Variants in PDK1 observed in about 807,000 individuals in gnomAD.
The protein encoded by PDK1 is [Pyruvate dehydrogenase (acetyl-transferring)] kinase isozyme 1, mitochondrial.
PDK1 carries 39 observed loss-of-function variants against 54.2 expected under a neutral mutation model. The observed-to-expected ratio is 0.72, with a 90% CI of 0.56 to 0.94. The LOEUF (loss-of-function observed/expected upper bound fraction) is 0.94. PDK1 is among the 40% of genes least tolerant of loss of function. The pLI is 0.00. For missense variants in PDK1, 552 were observed against 566.0 expected (o/e 0.98, Z 0.25); for synonymous variants, 221 against 207.1 (o/e 1.07, Z -0.58).
At position 172,560,586 on chromosome 2, in the gene PDK1, C is replaced by A. The variant is rs184593122; in HGVS notation, c.339-1634C>A. Among the ~76,000 whole-genome samples the A allele has an allele frequency of 4.6e-5, 7 of 152,234 alleles. No homozygotes were observed. In the East Asian group the frequency reaches 1.4e-3, roughly 29 times the overall value. On this transcript the variant is annotated intron_variant, in intron 2 of 10. Coordinates refer to ENST00000282077, the MANE Select transcript of PDK1 (RefSeq NM_002610.5). ...CCCCATTTGTCCATCTCTGCTATACCGTGCTATAGTCAGAATGATGAAATA... is the reference window on the plus strand; with the variant it reads ...CCCCATTTGTCCATCTCTGCTATACAGTGCTATAGTCAGAATGATGAAATA...
intron 8 of PDK1, among the ~76,000 whole-genome samples, chr2:172,576,111 A>G (rs992983653): frequency 1.3e-5 from 2 of 152,018 alleles, no homozygotes; most frequent in African/African-American, 4.8e-5. Flanking sequence ...TATTTTTAGT[A>G]GAGATGGGGT....
rs376882191 is a variant in PDK1, at chr2:172,570,774, C to T, written c.895C>T (p.Pro299Ser). 5.0e-6 allele frequency: 8 copies of T among 1,611,842 alleles called. No individual in the cohort carries two copies. The highest frequency in any genetic ancestry group is 4.0e-5 in the African/African-American group (3 of 74,816). The change falls in exon 8 of 11, where the codon CCC becomes TCC. Residue 299 changes from proline to serine, a missense_variant. Pro to Ser is a moderately conservative substitution (Grantham distance 74). Transcript: ENST00000282077. Reference sequence around the variant, plus strand: ...ACACCATGCCAACAGAGGTGTTTACCCCCCTATTCAAGTTCATGTCACGCT... The same window carrying T: ...ACACCATGCCAACAGAGGTGTTTACTCCCCTATTCAAGTTCATGTCACGCT... ...MEHHANRGVY[P>S]PIQVHVTLGN...
the PDK1 span, among the ~76,000 whole-genome samples, chr2:172,693,818 C>T: frequency 6.6e-6 from 1 of 152,168 alleles, no homozygotes; most frequent in Non-Finnish European, 1.5e-5. Context: ...TCAATCCACA[C>T]AGTCCTCTTG....
the PDK1 span, among the ~76,000 whole-genome samples, chr2:172,637,013 C>T: frequency 1.3e-5 from 2 of 152,154 alleles, no homozygotes; most frequent in Non-Finnish European, 2.9e-5. Flanking sequence ...CCCCAGAATC[C>T]CTGGCTCAGT....
intron 8 of PDK1, among the ~76,000 whole-genome samples, chr2:172,574,367 C>A (rs1219266606): frequency 6.6e-6 from 1 of 152,104 alleles, no homozygotes; most frequent in Non-Finnish European, 1.5e-5. Context: ...AAGTGTGAGT[C>A]CTACAACTTC....
the PDK1 span, among the ~76,000 whole-genome samples, chr2:172,646,123 T>G: frequency 7.9e-5 from 12 of 152,346 alleles, no homozygotes; most frequent in African/African-American, 2.6e-4. Flanking sequence ...ACTGAAGGGT[T>G]TGCTGTGGAT....
In PDK1 at chr2:172,579,073, C is replaced by T. The variant is rs370333248; in HGVS notation, c.946-7205C>T. Among the ~76,000 whole-genome samples the T allele has an allele frequency of 2.4e-3, 363 of 152,294 alleles. 3 individuals carry two copies. The highest frequency in any genetic ancestry group is 8.2e-3 in the African/African-American group (339 of 41,546). On this transcript the variant is annotated intron_variant, in intron 8 of 10. Transcript: ENST00000282077. ...GGCATGAGTATGGCCTTCCAGATTC[C>T]CAGGAGATAGCTGAGGTTTTCAAAG...
chr2:172,632,764 A>G, the PDK1 span, among the ~76,000 whole-genome samples: 108,599 of 151,476 alleles, frequency 0.72, 39,308 homozygotes, highest in Non-Finnish European at 0.77. Context: ...GGCAGATCAC[A>G]AGGTTAGGAG....
intron 8 of PDK1, among the ~76,000 whole-genome samples, chr2:172,581,172 A>G (rs1173957659): frequency 6.6e-6 from 1 of 152,140 alleles, no homozygotes; most frequent in African/African-American, 2.4e-5. Context: ...AGCTTGCTGC[A>G]AGCTCCGCCT....
At chr2:172,708,782 C>G in the PDK1 span, among the ~76,000 whole-genome samples, 1 of 152,182 alleles carries the variant, frequency 6.6e-6, no homozygotes, top group African/African-American at 2.4e-5. Flanking sequence ...TACATATAGG[C>G]TGAAGGTAAT....
chr2:172,701,974 T>C, the PDK1 span, among the ~76,000 whole-genome samples: 1 of 152,182 alleles, frequency 6.6e-6, no homozygotes, highest in Non-Finnish European at 1.5e-5. Flanking sequence ...AATGTTACTA[T>C]TTCTTCTTAA....
the PDK1 span, among the ~76,000 whole-genome samples, chr2:172,700,569 G>A: frequency 6.6e-6 from 1 of 151,892 alleles, no homozygotes; most frequent in African/African-American, 2.4e-5. Flanking sequence ...ATGGGCGGCC[G>A]GGCAGAGACG....
At chr2:172,652,086 T>G in the PDK1 span, among the ~76,000 whole-genome samples, 1 of 152,088 alleles carries the variant, frequency 6.6e-6, no homozygotes, top group South Asian at 2.1e-4. Flanking sequence ...ACTGGCAAAC[T>G]GAATCCAGCA....
the PDK1 span, among the ~76,000 whole-genome samples, chr2:172,671,030 A>G: frequency 5.9e-5 from 9 of 151,860 alleles, no homozygotes; most frequent in South Asian, 1.9e-3. Flanking sequence ...TGTTCCTGCA[A>G]AATGACTTAT....
At chr2:172,686,956 C>G in the PDK1 span, among the ~76,000 whole-genome samples, 3 of 152,106 alleles carry the variant, frequency 2.0e-5, no homozygotes, top group Non-Finnish European at 4.4e-5. Flanking sequence ...AAAATCACAC[C>G]TAATTTTTTA....
chr2:172,573,518 CACACATACATATACATATATACAT>C, intron 8 of PDK1, among the ~76,000 whole-genome samples: 1 of 151,256 alleles, frequency 6.6e-6, no homozygotes, highest in South Asian at 2.1e-4. Context: ...TATATATACA[CACACATACATATACATATATACAT>C]ACATATGTGT....
chr2:172,591,038 G>T (rs1225761027), intron 9 of PDK1, among the ~76,000 whole-genome samples: 1 of 152,150 alleles, frequency 6.6e-6, no homozygotes, highest in Non-Finnish European at 1.5e-5. Flanking sequence ...TCCTCCAGAG[G>T]GGAACTCTTT....
the PDK1 span, among the ~76,000 whole-genome samples, chr2:172,721,987 A>T: frequency 6.6e-6 from 1 of 152,254 alleles, no homozygotes; most frequent in Non-Finnish European, 1.5e-5. Flanking sequence ...AGCTTGCCTT[A>T]CCGTTAGCTA....
rs1310362504 is a variant in PDK1 at position 172,602,219 on chromosome 2, C to A, written c.*6250C>A. ...TTAATAGACCAATCTTGTTTATGAA[C>A]ATAGATGGAAAAATTGCTGATGAAA... On this transcript the variant is annotated 3_prime_UTR_variant, in exon 11 of 11. Coordinates refer to ENST00000282077, the MANE Select transcript of PDK1 (RefSeq NM_002610.5). 1.3e-5 allele frequency: 2 copies of A among 152,144 alleles called. No individual in the cohort carries two copies. Among genetic ancestry groups the A allele is most frequent in the African/African-American group, 4.8e-5 (2 of 41,442 alleles). The allele number at this position is 152,144 out of a possible 1,614,324, so 9.4% of individuals were successfully genotyped here. A position where few individuals can be genotyped will look rare whatever the true frequency, so the allele number is the denominator to read the frequency against.
Sources: allele counts gnomAD v4.1 joint callset (sites outside exome capture counted in the v4.1 genomes callset), GRCh38; gene constraint gnomAD v4.1.1; transcripts MANE v1.5; gene names NCBI Gene and HGNC (gene_info 2026-07-23, HGNC 2026-07-21).